Variants in FBXO47 observed in about 807,000 individuals in gnomAD.
The protein encoded by FBXO47 is F-box only protein 47.
Under a neutral mutation model 53.9 loss-of-function variants are expected in FBXO47, and 34 were observed. The observed-to-expected ratio is 0.63, with a 90% CI of 0.48 to 0.84. The LOEUF is 0.84. FBXO47 is among the 40% of genes least tolerant of loss of function. The probability of loss-of-function intolerance (pLI) is 0.00; values close to 1 mark genes in which losing one functional copy is unlikely to be tolerated. For missense variants in FBXO47, 485 were observed against 541.3 expected, an observed-to-expected ratio of 0.90 and a Z score of 1.03; for synonymous variants, 165 against 181.6, an observed-to-expected ratio of 0.91 and a Z score of 0.73.
chr17:38,948,535 G>A (rs1057000282), intron 6 of FBXO47, among the ~76,000 whole-genome samples: 2 of 151,842 alleles, frequency 1.3e-5, no homozygotes, highest in African/African-American at 2.4e-5. Context: ...ATTTTTATAC[G>A]AATGAAATCA....
chr17:38,940,277 T>C (rs1199505470), intron 9 of FBXO47, among the ~76,000 whole-genome samples: 1 of 151,930 alleles, frequency 6.6e-6, no homozygotes, highest in Non-Finnish European at 1.5e-5. Context: ...CAGAGAACTT[T>C]AATGATCAGA....
Position 38,947,113 on chromosome 17 carries a change from T to G in FBXO47, c.617-1977A>C, listed in dbSNP as rs958638839. Among the ~76,000 whole-genome samples the G allele has an allele frequency of 2.1e-5, 3 of 140,978 alleles. No homozygotes were observed. In the Admixed American group the frequency reaches 2.2e-4, roughly 10 times the overall value. 92.5% of individuals were successfully genotyped at this position (140,978 alleles called of 152,430 possible). ...ATATAAACATATATATAAACATATA[T>G]ATATAAACATATATATAAATATATA... On this transcript the variant is annotated intron_variant, in intron 6 of 10. Coordinates refer to ENST00000378079, the MANE Select transcript of FBXO47 (RefSeq NM_001008777.3).
chr17:38,938,541 C>T (rs1434962682), intron 10 of FBXO47, 32 bp downstream of exon 10: 7 of 1,510,334 alleles, frequency 4.6e-6, no homozygotes, highest in African/African-American at 1.4e-5. Context: ...CATTTTTACG[C>T]ACACCTGTGC....
At chr17:38,951,991 C>T (rs1905316081) in intron 5 of FBXO47, among the ~76,000 whole-genome samples, 1 of 152,064 alleles carries the variant, frequency 6.6e-6, no homozygotes, top group Non-Finnish European at 1.5e-5. Flanking sequence ...CATGCCATTG[C>T]ACTCCAGCCT....
At chr17:38,957,463 G>A (rs544722312) in intron 3 of FBXO47, among the ~76,000 whole-genome samples, 1 of 152,202 alleles carries the variant, frequency 6.6e-6, no homozygotes, top group South Asian at 2.1e-4. Flanking sequence ...CATCTAAGAG[G>A]CCTTGGCATA....
At chr17:38,939,946 C>T (rs533416051) in intron 9 of FBXO47, among the ~76,000 whole-genome samples, 1 of 151,854 alleles carries the variant, frequency 6.6e-6, no homozygotes, top group African/African-American at 2.4e-5. Flanking sequence ...GGATTACAGG[C>T]GTGAGCCACC....
rs374062389 is a variant in FBXO47, at chr17:38,943,581, A to G, written c.940+9T>C. Reference sequence around the variant, plus strand: ...TCTATTATTCTATGTTAGTAAATATATTTTTTACCTGATAGTTCATCTACA... The same window carrying G: ...TCTATTATTCTATGTTAGTAAATATGTTTTTTACCTGATAGTTCATCTACA... On this transcript the variant is annotated intron_variant, in intron 8 of 10. Coordinates refer to ENST00000378079, the MANE Select transcript of FBXO47 (RefSeq NM_001008777.3). The G allele has an allele frequency of 2.0e-6, 3 of 1,520,810 alleles. No homozygotes were observed. In the African/African-American group the frequency reaches 4.2e-5, roughly 22 times the overall value. 94.2% of individuals were successfully genotyped at this position (1,520,810 alleles called of 1,614,324 possible). A position where few individuals can be genotyped will look rare whatever the true frequency, so the allele number is the denominator to read the frequency against.
Position 38,946,038 on chromosome 17 carries a change from A to AAT in FBXO47, c.617-904_617-903dup, listed in dbSNP as rs1217701043. Among the ~76,000 whole-genome samples the AAT allele has an allele frequency of 2.3e-5, 3 of 132,988 alleles. No individual in the cohort carries two copies. In the South Asian group the frequency reaches 6.7e-4, roughly 30 times the overall value. 87.2% of individuals were successfully genotyped at this position (132,988 alleles called of 152,430 possible). ...ATATAAAAATATAAAAATATATATAAATATATATAAAATATATAAATACAT... is the reference window on the plus strand; with the variant it reads ...ATATAAAAATATAAAAATATATATAAATATATATATAAAATATATAAATACAT... On this transcript the variant is annotated intron_variant, in intron 6 of 10. Coordinates refer to ENST00000378079, the MANE Select transcript of FBXO47 (RefSeq NM_001008777.3).
intron 4 of FBXO47, among the ~76,000 whole-genome samples, chr17:38,955,660 T>TA (rs922231293): frequency 6.6e-6 from 1 of 151,134 alleles, no homozygotes; most frequent in African/African-American, 2.4e-5. Context: ...ACTTCTTGTA[T>TA]AAAACCTTTT....
intron 9 of FBXO47, among the ~76,000 whole-genome samples, chr17:38,939,617 T>C (rs1004154950): frequency 6.7e-6 from 1 of 149,480 alleles, no homozygotes; most frequent in African/African-American, 2.5e-5. Flanking sequence ...AGATTACATG[T>C]TCCTAGCTAA....
intron 10 of FBXO47, among the ~76,000 whole-genome samples, chr17:38,937,668 T>G (rs926151812): frequency 4.6e-5 from 7 of 152,086 alleles, no homozygotes; most frequent in African/African-American, 1.4e-4. Context: ...AATATTTATT[T>G]ATTTATTATT....
intron 1 of FBXO47, among the ~76,000 whole-genome samples, chr17:38,963,436 C>T (rs1205570672): frequency 6.6e-6 from 1 of 152,168 alleles, no homozygotes; most frequent in Non-Finnish European, 1.5e-5. Flanking sequence ...CTCAGCCTCC[C>T]AAAGTGCTGG....
At chr17:38,938,781 T>C (rs1336574702) in intron 9 of FBXO47, 49 bp from the exon 10 acceptor site, 3 of 1,425,854 alleles carry the variant, frequency 2.1e-6, no homozygotes, top group African/African-American at 1.4e-5. Context: ...AAGAAAGCTA[T>C]AGAATTTGAA....
At position 38,962,814 on chromosome 17, in the gene FBXO47, T is replaced by C. The variant is rs761732866; in HGVS notation, c.181+31A>G. On this transcript the variant is annotated intron_variant, in intron 2 of 10. Transcript: ENST00000378079. ...AAAATTAAAATACTCTAGTGTCTTGTGTAGGCTATTCATAAGTTCCCAAAC... is the reference window on the plus strand; with the variant it reads ...AAAATTAAAATACTCTAGTGTCTTGCGTAGGCTATTCATAAGTTCCCAAAC... 3.9e-6 allele frequency: 6 copies of C among 1,524,084 alleles called. No individual in the cohort carries two copies. In the Admixed American group the frequency reaches 8.9e-5, roughly 23 times the overall value. 94.4% of individuals were successfully genotyped at this position (1,524,084 alleles called of 1,614,324 possible).
At position 38,937,168 on chromosome 17, in the gene FBXO47, T is replaced by G; in HGVS notation, c.*7A>C. ...GACGTTCTCTAAAGGCAAGGCTTTC[T>G]GAGGATTTAGGTAGACAGAGGAGTA... On this transcript the variant is annotated 3_prime_UTR_variant, in exon 11 of 11. Coordinates refer to ENST00000378079, the MANE Select transcript of FBXO47 (RefSeq NM_001008777.3). The G allele has an allele frequency of 7.5e-7, 1 of 1,332,862 alleles. No individual in the cohort carries two copies. The highest frequency in any genetic ancestry group is 1.1e-6 in the Non-Finnish European group (1 of 935,030). 82.6% of individuals were successfully genotyped at this position (1,332,862 alleles called of 1,614,324 possible). A position where few individuals can be genotyped will look rare whatever the true frequency, so the allele number is the denominator to read the frequency against.
intron 6 of FBXO47, among the ~76,000 whole-genome samples, chr17:38,946,429 A>T (rs1216702846): frequency 9.2e-4 from 61 of 66,224 alleles, no homozygotes; most frequent in Admixed American, 2.8e-3. Flanking sequence ...TAACTATATA[A>T]ATATATATGA....
At chr17:38,945,177 G>C (rs1348638822) in intron 6 of FBXO47, 41 bp from the exon 7 acceptor site, 11 of 1,468,276 alleles carry the variant, frequency 7.5e-6, no homozygotes, top group Non-Finnish European at 1.0e-5. Flanking sequence ...TTCGTAGAAA[G>C]GCTGCTGTGC....
chr17:38,963,483 ACTTT>A (rs1296896121), intron 1 of FBXO47, among the ~76,000 whole-genome samples: 1 of 151,966 alleles, frequency 6.6e-6, no homozygotes, highest in Admixed American at 6.6e-5. Context: ...GGCCCCACTT[ACTTT>A]ATTACAGCTA....
chr17:38,951,176 C>A (rs1041323857), intron 6 of FBXO47, among the ~76,000 whole-genome samples: 1 of 152,076 alleles, frequency 6.6e-6, no homozygotes, highest in African/African-American at 2.4e-5. Flanking sequence ...CAGCTGTGAG[C>A]CACGGCACCT....
Sources: gnomAD v4.1 joint callset for allele counts (sites outside exome capture counted in the v4.1 genomes callset) on GRCh38, gnomAD v4.1.1 for gene constraint, MANE v1.5 for transcripts, NCBI Gene and HGNC (gene_info 2026-07-23, HGNC 2026-07-21) for gene names.